Variants in TLDC2 observed in about 807,000 individuals in gnomAD.
The protein encoded by TLDC2 is TLD domain-containing protein 2.
A neutral mutation model predicts 27.9 loss-of-function variants in TLDC2; 23 were observed. That is an observed-to-expected ratio of 0.82 (90% confidence interval 0.59 to 1.17). The LOEUF is 1.17. Among genes scored for constraint, TLDC2 ranks in the 50% most tolerant of loss-of-function variants. The pLI is 0.00. For synonymous variants in TLDC2, 124 were observed against 107.4 expected (o/e 1.16, Z -0.96); for missense variants, 286 against 273.4 (o/e 1.05, Z -0.32).
At chr20:36,880,070 C>CATATATATATATATATATATGTAT (rs1989768563) in intron 3 of TLDC2, among the ~76,000 whole-genome samples, 3 of 73,054 alleles carry the variant, frequency 4.1e-5, no homozygotes, top group South Asian at 5.2e-4. Flanking sequence ...TATATATATA[C>CATATATATATATATATATATGTAT]ATATATATAT....
At chr20:36,880,436 C>T (rs6016641) in intron 3 of TLDC2, among the ~76,000 whole-genome samples, 2,896 of 152,042 alleles carry the variant, frequency 0.019, 64 homozygotes, top group African/African-American at 0.047. Flanking sequence ...CCCTGACGGC[C>T]CAGAGGAGGA....
At chr20:36,889,521 T>G in intron 6 of TLDC2, 118 bp downstream of exon 6, 1 of 1,300,862 alleles carries the variant, frequency 7.7e-7, no homozygotes, top group Non-Finnish European at 1.0e-6. Context: ...CCAGCCTCCT[T>G]GTGGCCTGGG....
intron 2 of TLDC2, 151 bp downstream of exon 2, chr20:36,878,205 G>A (rs1989718915): frequency 2.3e-6 from 2 of 860,232 alleles, no homozygotes; most frequent in African/African-American, 1.7e-5. Flanking sequence ...TCTTCTCTCG[G>A]GGCTTTGCTT....
intron 4 of TLDC2, among the ~76,000 whole-genome samples, chr20:36,883,295 C>A (rs906428686): frequency 6.6e-6 from 1 of 152,054 alleles, no homozygotes; most frequent in African/African-American, 2.4e-5. Context: ...TGCCACCATG[C>A]CTGGCTGATT....
chr20:36,877,713 A>G (rs1048248801), intron 1 of TLDC2, among the ~76,000 whole-genome samples, 186 bp from the exon 2 acceptor site: 3 of 152,158 alleles, frequency 2.0e-5, no homozygotes, highest in Non-Finnish European at 4.4e-5. Context: ...GGGAGGAAGC[A>G]GGCTGGCGGC....
At position 36,893,925 on chromosome 20, in the gene TLDC2, G is replaced by A. The variant is rs1219497019; in HGVS notation, c.*1081G>A. The A allele has an allele frequency of 2.5e-6, 1 of 398,508 alleles. No individual in the cohort carries two copies. Among genetic ancestry groups the A allele is most frequent in the African/African-American group, 2.1e-5 (1 of 48,614 alleles). 24.7% of individuals were successfully genotyped at this position (398,508 alleles called of 1,614,324 possible). On this transcript the variant is annotated 3_prime_UTR_variant, in exon 7 of 7. Transcript: ENST00000217320. ...ATTTGGTCAGTGGGAGGCTCTGGTG[G>A]GAGACTGGAGGTGAGAAGAGGGCAG...
At position 36,880,073 on chromosome 20, in the gene TLDC2, A is replaced by ATATATATGTATATATATATATGTGTGTG. The variant is rs1989771616; in HGVS notation, c.343-575_343-574insGTATATATATATATGTGTGTGTATATAT. On this transcript the variant is annotated intron_variant, in intron 3 of 6. Transcript: ENST00000217320. Reference sequence around the variant, plus strand: ...ACTTGTGTAGAATATATATATACATATATATATATATATATATATATATAT... The same window carrying ATATATATGTATATATATATATGTGTGTG: ...ACTTGTGTAGAATATATATATACATATATATATGTATATATATATATGTGTGTGTATATATATATATATATATATATAT... 5.7e-4 allele frequency among the ~76,000 whole-genome samples: 23 copies of ATATATATGTATATATATATATGTGTGTG among 40,564 alleles called. 1 individual carries two copies. The highest frequency in any genetic ancestry group is 1.4e-3 in the Non-Finnish European group (20 of 14,456). 26.6% of individuals were successfully genotyped at this position (40,564 alleles called of 152,430 possible).
intron 3 of TLDC2, among the ~76,000 whole-genome samples, chr20:36,880,079 A>ATATGTATATATATATGTGTGTG (rs1568748437): frequency 2.1e-5 from 1 of 47,348 alleles, no homozygotes; most frequent in Non-Finnish European, 5.7e-5. Context: ...ACATATATAT[A>ATATGTATATATATATGTGTGTG]TATATATATA....
chr20:36,890,211 A>G (rs2148349823), intron 6 of TLDC2: 1 of 152,292 alleles, frequency 6.6e-6, no homozygotes, highest in African/African-American at 2.4e-5. Flanking sequence ...GTGGAACACA[A>G]CTTTCAAGAT....
chr20:36,876,797 G>T (rs555143207), intron 1 of TLDC2, among the ~76,000 whole-genome samples: 1 of 151,954 alleles, frequency 6.6e-6, no homozygotes, highest in African/African-American at 2.4e-5. Flanking sequence ...GTACAGAGTG[G>T]AAGCTCGGAT....
chr20:36,879,314 G>T, intron 3 of TLDC2, 121 bp downstream of exon 3: 1 of 1,301,364 alleles, frequency 7.7e-7, no homozygotes, highest in South Asian at 1.5e-5. Context: ...ACCTATAATG[G>T]ACACTGATGA....
chr20:36,876,314 C>A, intron 1 of TLDC2, 107 bp downstream of exon 1: 1 of 1,459,320 alleles, frequency 6.9e-7, no homozygotes, highest in Non-Finnish European at 9.6e-7. Context: ...GTGACTTGTT[C>A]CCCTCTCAAG....
rs1990149369 is a variant in TLDC2, at chr20:36,894,146, AC to A, written c.*1303del. On this transcript the variant is annotated 3_prime_UTR_variant, in exon 7 of 7. Transcript: ENST00000217320. ...TCTATGCTCATTTAGCTCTGCCAAA[AC>A]TTTTGTATCTCACCCCCATGTTAAA... is the stretch of plus-strand genomic sequence containing the variant. The A allele has an allele frequency of 2.5e-6, 1 of 393,376 alleles. No individual in the cohort carries two copies. Among genetic ancestry groups the A allele is most frequent in the Non-Finnish European group, 4.5e-6 (1 of 223,552 alleles). 24.4% of individuals were successfully genotyped at this position (393,376 alleles called of 1,614,324 possible).
chr20:36,881,147 C>T (rs6129976), intron 4 of TLDC2, among the ~76,000 whole-genome samples: 2 of 152,182 alleles, frequency 1.3e-5, no homozygotes, highest in East Asian at 1.9e-4. Flanking sequence ...GGGAGGCCAA[C>T]GAAGGTGGAT....
intron 2 of TLDC2, 64 bp from the exon 3 acceptor site, chr20:36,878,977 C>G: frequency 6.2e-7 from 1 of 1,612,672 alleles, no homozygotes; most frequent in Non-Finnish European, 8.5e-7. Context: ...TCCAAGCCCA[C>G]CCCCAGGATA....
rs765124468 is a variant in TLDC2, at chr20:36,892,910, G to A, written c.*66G>A. On this transcript the variant is annotated 3_prime_UTR_variant, in exon 7 of 7. Coordinates refer to ENST00000217320, the MANE Select transcript of TLDC2 (RefSeq NM_080628.3). ...ATGAATTGTGCAGGAGAGGGAGTTT[G>A]TAAACAACTGACTACAGACATTCAC... The A allele has an allele frequency of 6.2e-7, 1 of 1,613,828 alleles. No individual in the cohort carries two copies. The highest frequency in any genetic ancestry group is 8.5e-7 in the Non-Finnish European group (1 of 1,179,892).
rs141678136 is a variant in TLDC2 at position 36,879,135 on chromosome 20, G to A, written c.284G>A (p.Arg95Gln). ...GGTTTCAGCCTGCAGAGCCTGTACC[G>A]GCGGATGGAGGGCTGCAGCGGGCCA... ...RDGFSLQSLY[R>Q]RMEGCSGPVL... Residue 95 changes from arginine (R) to glutamine (Q), a missense_variant, in exon 3 of 7, where the codon CGG (arginine) becomes CAG (glutamine). Transcript: ENST00000217320. 142 of 1,613,982 alleles carry A rather than the reference G, an allele frequency of 8.8e-5. No homozygotes were observed. The highest frequency in any genetic ancestry group is 1.1e-4 in the Non-Finnish European group (133 of 1,180,028).
At position 36,888,704 on chromosome 20, in the gene TLDC2, CAAAAA is replaced by C. The variant is rs35828858; in HGVS notation, c.513-527_513-523del. On this transcript the variant is annotated intron_variant, in intron 5 of 6. Coordinates refer to ENST00000217320, the MANE Select transcript of TLDC2 (RefSeq NM_080628.3). Reference sequence around the variant, plus strand: ...CTGGGCGACAGAGCAAGACTCCTATCAAAAAAAAAAAAAAAAAAAAAAAATTGCCA... The same window carrying C: ...CTGGGCGACAGAGCAAGACTCCTATCAAAAAAAAAAAAAAAAAAATTGCCA... Among the ~76,000 whole-genome samples the C allele has an allele frequency of 9.7e-4, 61 of 62,762 alleles. No homozygotes were observed. The South Asian group carries it at 0.013, about 13-fold the overall frequency. The allele number at this position is 62,762 out of a possible 152,430, so 41.2% of individuals were successfully genotyped here. A position where few individuals can be genotyped will look rare whatever the true frequency, so the allele number is the denominator to read the frequency against.
chr20:36,893,141 C>T lies in TLDC2; in HGVS notation c.*297C>T. Reference sequence around the variant, plus strand: ...TCATCTTATTTCTGAGTGAAAGTCTCAAGTGCGCACATCCTCATCTTGCAT... The same window carrying T: ...TCATCTTATTTCTGAGTGAAAGTCTTAAGTGCGCACATCCTCATCTTGCAT... On this transcript the variant is annotated 3_prime_UTR_variant, in exon 7 of 7. Transcript: ENST00000217320. 1 of 1,548,684 alleles carries T rather than the reference C, an allele frequency of 6.5e-7. No individual in the cohort carries two copies. The highest frequency in any genetic ancestry group is 1.1e-5 in the South Asian group (1 of 89,632).
Sources: gnomAD v4.1 joint callset for allele counts (sites outside exome capture counted in the v4.1 genomes callset) on GRCh38, gnomAD v4.1.1 for gene constraint, MANE v1.5 for transcripts, NCBI Gene and HGNC (gene_info 2026-07-23, HGNC 2026-07-21) for gene names.